TMEM181: variants seen among roughly 807,000 people sequenced by gnomAD.
The protein encoded by TMEM181 is transmembrane protein 181, also known as G protein-coupled receptor 178.
A neutral mutation model predicts 71.9 loss-of-function variants in TMEM181; 39 were observed. The ratio of observed to expected loss-of-function variants is 0.54; its 90% CI spans 0.42 to 0.71. TMEM181 has a LOEUF of 0.71. Among genes scored for constraint, TMEM181 ranks in the 30% least tolerant of loss-of-function variants. The probability of loss-of-function intolerance (pLI) is 0.00; values close to 1 mark genes in which losing one functional copy is unlikely to be tolerated. For missense variants in TMEM181, 595 were observed against 583.0 expected, an observed-to-expected ratio of 1.02 and a Z score of -0.21; for synonymous variants, 245 against 228.8, an observed-to-expected ratio of 1.07 and a Z score of -0.64.
chr6:158,612,357 T>C (rs1431524237), intron 10 of TMEM181, among the ~76,000 whole-genome samples: 1 of 152,194 alleles, frequency 6.6e-6, no homozygotes, highest in Non-Finnish European at 1.5e-5. Flanking sequence ...TCTGGTTACT[T>C]CCTGCTGGGT....
chr6:158,599,645 G>A (rs567898936), intron 6 of TMEM181, among the ~76,000 whole-genome samples: 1 of 152,216 alleles, frequency 6.6e-6, no homozygotes. Flanking sequence ...CCCACGGGAC[G>A]GAACGACCTC....
chr6:158,579,752 A>G (rs943638666), intron 2 of TMEM181, among the ~76,000 whole-genome samples: 3 of 152,154 alleles, frequency 2.0e-5, no homozygotes, highest in African/African-American at 7.2e-5. Context: ...AAAAATAAGG[A>G]AATTCATACA....
intron 1 of TMEM181, among the ~76,000 whole-genome samples, chr6:158,565,159 C>G (rs184324840): frequency 6.6e-6 from 1 of 152,344 alleles, no homozygotes; most frequent in East Asian, 1.9e-4. Context: ...TTGAGGTGTT[C>G]TCACGACCTC....
In TMEM181 at chr6:158,634,423, G is replaced by A. The variant is rs895210148; in HGVS notation, c.*2535G>A. 6 of 151,802 alleles carry A rather than the reference G, an allele frequency of 4.0e-5. No homozygotes were observed. The highest frequency in any genetic ancestry group is 1.2e-4 in the African/African-American group (5 of 41,326). The allele number at this position is 151,802 out of a possible 1,614,324, so 9.4% of individuals were successfully genotyped here. On this transcript the variant is annotated 3_prime_UTR_variant, in exon 17 of 17. Transcript: ENST00000684151. ...GAGGGTAGTTATGTTAAAGTTTTGC[G>A]AACTTAAAGGGCTGACTTTAGTTCC...
Position 158,632,031 on chromosome 6 carries a change from C to A in TMEM181, c.*143C>A. On this transcript the variant is annotated 3_prime_UTR_variant, in exon 17 of 17. Transcript: ENST00000684151. ...GTTTACATATTTTTTTAAAGGAAAA[C>A]CAAAACTGAGGGTAAATTTAAATGT... The A allele has an allele frequency of 3.7e-6, 3 of 802,326 alleles. No individual in the cohort carries two copies. The highest frequency in any genetic ancestry group is 5.8e-6 in the Non-Finnish European group (3 of 516,024). 49.7% of individuals were successfully genotyped at this position (802,326 alleles called of 1,614,324 possible).
At position 158,605,367 on chromosome 6, in the gene TMEM181, T is replaced by A; in HGVS notation, c.573+20T>A. On this transcript the variant is annotated intron_variant, in intron 7 of 16. Transcript: ENST00000684151. ...GTCACTGTGAGTACCATTCGCCTGA[T>A]GGACCGCAGCAGATCCCAGCCAGGA... The A allele has an allele frequency of 6.2e-7, 1 of 1,611,352 alleles. No homozygotes were observed. The highest frequency in any genetic ancestry group is 8.5e-7 in the Non-Finnish European group (1 of 1,177,718).
upstream of TMEM181, among the ~76,000 whole-genome samples, chr6:158,559,008 C>T (rs369345242): frequency 4.6e-5 from 7 of 152,278 alleles, no homozygotes; most frequent in African/African-American, 1.4e-4. Context: ...TTTTGTTATT[C>T]CTTGAAGAGT....
At position 158,548,620 on chromosome 6, in the gene TMEM181, G is replaced by A. The variant is rs1312071911; in HGVS notation, c.131+11755G>A. ...CCAGCTCCCTTCCTTTGTTCCAAGGGATGGTGTCCTCATTCTCTAAACAAT... is the reference window on the plus strand; with the variant it reads ...CCAGCTCCCTTCCTTTGTTCCAAGGAATGGTGTCCTCATTCTCTAAACAAT... On this transcript the variant is annotated intron_variant, in intron 1 of 16. Transcript: ENST00000367090. 2.0e-5 allele frequency among the ~76,000 whole-genome samples: 3 copies of A among 152,168 alleles called. No individual in the cohort carries two copies. The East Asian group carries it at 5.8e-4, about 29-fold the overall frequency.
chr6:158,541,249 C>T (rs2128277409), intron 1 of TMEM181, among the ~76,000 whole-genome samples: 1 of 152,034 alleles, frequency 6.6e-6, no homozygotes, highest in Non-Finnish European at 1.5e-5. Flanking sequence ...AACTCCATCT[C>T]TACTAAAAAA....
chr6:158,608,029 T>C (rs66491960), intron 8 of TMEM181, among the ~76,000 whole-genome samples: 21,614 of 152,254 alleles, frequency 0.14, 1,621 homozygotes, highest in Non-Finnish European at 0.16. Context: ...TCGTGATCAG[T>C]GCAGCAATCT....
At chr6:158,564,990 C>T (rs946222394) in intron 1 of TMEM181, among the ~76,000 whole-genome samples, 1 of 152,298 alleles carries the variant, frequency 6.6e-6, no homozygotes, top group African/African-American at 2.4e-5. Context: ...CGGTCTTACC[C>T]GCCTACCGTC....
intron 1 of TMEM181, among the ~76,000 whole-genome samples, chr6:158,548,047 C>T (rs897137422): frequency 3.3e-5 from 5 of 152,176 alleles, no homozygotes; most frequent in African/African-American, 1.2e-4. Flanking sequence ...GCTGACTGAA[C>T]TGGCAGCCAC....
At chr6:158,614,856 A>G (rs575920526) in intron 10 of TMEM181, among the ~76,000 whole-genome samples, 5 of 152,274 alleles carry the variant, frequency 3.3e-5, no homozygotes, top group African/African-American at 1.2e-4. Context: ...CATGGTGTAT[A>G]TGTGTCACAT....
chr6:158,570,423 A>G (rs1378170851), intron 1 of TMEM181, among the ~76,000 whole-genome samples: 2 of 148,262 alleles, frequency 1.3e-5, no homozygotes, highest in Non-Finnish European at 3.0e-5. Context: ...TTGTAGTTTC[A>G]GTAGAGACAG....
chr6:158,619,274 CT>C (rs1785808889), intron 10 of TMEM181, among the ~76,000 whole-genome samples: 2 of 152,250 alleles, frequency 1.3e-5, no homozygotes, highest in Middle Eastern at 3.4e-3. Context: ...CTTTCTTCCA[CT>C]TGATCGAATC....
chr6:158,542,150 G>A (rs1365131026), intron 1 of TMEM181, among the ~76,000 whole-genome samples: 2 of 151,648 alleles, frequency 1.3e-5, no homozygotes, highest in East Asian at 3.9e-4. Context: ...CAAGCGATCC[G>A]CCCACCTTGG....
chr6:158,629,001 G>A (rs1786507757), intron 14 of TMEM181, among the ~76,000 whole-genome samples: 1 of 152,214 alleles, frequency 6.6e-6, no homozygotes, highest in Non-Finnish European at 1.5e-5. Flanking sequence ...GGTTGAGCCT[G>A]TGTCTGTAGG....
intron 10 of TMEM181, among the ~76,000 whole-genome samples, chr6:158,617,950 T>C (rs1785711460): frequency 6.6e-6 from 1 of 152,264 alleles, no homozygotes; most frequent in Non-Finnish European, 1.5e-5. Flanking sequence ...AGAATGTATA[T>C]TCCATTGATT....
At chr6:158,582,599 A>G (rs1783541042) in intron 3 of TMEM181, among the ~76,000 whole-genome samples, 1 of 151,956 alleles carries the variant, frequency 6.6e-6, no homozygotes, top group Non-Finnish European at 1.5e-5. Context: ...TGAGAGGTTG[A>G]TGCTGCGGTA....
Sources: gnomAD v4.1 joint callset for allele counts (sites outside exome capture counted in the v4.1 genomes callset) on GRCh38, gnomAD v4.1.1 for gene constraint, MANE v1.5 for transcripts, NCBI Gene and HGNC (gene_info 2026-07-23, HGNC 2026-07-21) for gene names.